PIGU: variants seen among roughly 807,000 people sequenced by gnomAD.
The protein encoded by PIGU is phosphatidylinositol glycan anchor biosynthesis class U.
PIGU carries 24 observed loss-of-function variants against 49.9 expected under a neutral mutation model. The ratio of observed to expected loss-of-function variants is 0.48; its 90% confidence interval spans 0.35 to 0.68. PIGU has a LOEUF of 0.68. Among genes scored for constraint, PIGU ranks in the 30% least tolerant of loss-of-function variants. The pLI is 0.01. For missense variants in PIGU, 490 were observed against 532.6 expected, an observed-to-expected ratio of 0.92 and a Z score of 0.79; for synonymous variants, 220 against 205.7, an observed-to-expected ratio of 1.07 and a Z score of -0.59.
intron 1 of PIGU, among the ~76,000 whole-genome samples, chr20:34,674,323 C>T (rs1027898420): frequency 7.2e-5 from 11 of 152,032 alleles, no homozygotes; most frequent in African/African-American, 2.4e-4. Context: ...CCATTGCACT[C>T]CAGCCTGGGC....
intron 7 of PIGU, among the ~76,000 whole-genome samples, chr20:34,612,347 C>A (rs1984847075): frequency 6.6e-6 from 1 of 151,964 alleles, no homozygotes. Context: ...CACACTGGGG[C>A]CTGTCATGGG....
At chr20:34,580,548 A>C (rs894809470) in intron 10 of PIGU, among the ~76,000 whole-genome samples, 5 of 152,224 alleles carry the variant, frequency 3.3e-5, no homozygotes, top group Non-Finnish European at 7.3e-5. Flanking sequence ...TCCCTAGTTC[A>C]TTCTTGACAC....
intron 6 of PIGU, among the ~76,000 whole-genome samples, chr20:34,625,561 T>A (rs1312761189): frequency 6.6e-6 from 1 of 151,732 alleles, no homozygotes; most frequent in Admixed American, 6.6e-5. Context: ...AGCCCAGCAC[T>A]TTGGAAGGCT....
chr20:34,668,747 T>C (rs187189448), intron 1 of PIGU, among the ~76,000 whole-genome samples: 1,938 of 149,998 alleles, frequency 0.013, 47 homozygotes, highest in African/African-American at 0.044. Context: ...CCAGCCTGGG[T>C]GACAGAGCGA....
chr20:34,575,001 C>T (rs554269106), intron 11 of PIGU, 103 bp downstream of exon 11: 7 of 1,459,360 alleles, frequency 4.8e-6, no homozygotes, highest in Middle Eastern at 1.8e-4. Context: ...GCCTCCTTCA[C>T]GTCTGCACCC....
At chr20:34,654,089 C>T (rs1986629350) in intron 2 of PIGU, among the ~76,000 whole-genome samples, 1 of 111,128 alleles carries the variant, frequency 9.0e-6, no homozygotes, top group Non-Finnish European at 1.9e-5. Context: ...GAACTCCCGA[C>T]CTTGTGATCC....
chr20:34,631,477 TA>T (rs1329454270), intron 6 of PIGU, among the ~76,000 whole-genome samples: 1 of 150,634 alleles, frequency 6.6e-6, no homozygotes, highest in Non-Finnish European at 1.5e-5. Context: ...ATAATGAATT[TA>T]AAAAGACGCA....
intron 7 of PIGU, among the ~76,000 whole-genome samples, chr20:34,612,802 T>C (rs6579177): frequency 0.03 from 4,580 of 151,878 alleles, 235 homozygotes; most frequent in African/African-American, 0.1. Context: ...TTTGTAGTTT[T>C]AGTAGAGACA....
At chr20:34,642,944 G>C (rs1300468885) in intron 4 of PIGU, among the ~76,000 whole-genome samples, 7 of 151,604 alleles carry the variant, frequency 4.6e-5, no homozygotes, top group Non-Finnish European at 8.8e-5. Context: ...TATTGGTAGA[G>C]ACTGTCTACC....
In PIGU at chr20:34,581,687, GGGAA is replaced by G. The variant is rs776515158; in HGVS notation, c.927-19_927-16del. The G allele has an allele frequency of 8.2e-6, 13 of 1,590,150 alleles. No individual in the cohort carries two copies. The African/African-American group carries it at 1.7e-4, about 21-fold the overall frequency. ...TGGGGTGCTCCCTGGGGCAGGGCAG[GGGAA>G]AGAGAGAGAGAGATGAGTCAGGGAC... On this transcript the variant is annotated splice_polypyrimidine_tract_variant and intron_variant, in intron 9 of 11. Coordinates refer to ENST00000217446, the MANE Select transcript of PIGU (RefSeq NM_080476.5).
At chr20:34,577,761 G>A (rs1983298060) in intron 10 of PIGU, among the ~76,000 whole-genome samples, 2 of 152,018 alleles carry the variant, frequency 1.3e-5, no homozygotes, top group South Asian at 4.2e-4. Flanking sequence ...GAAATCACAC[G>A]GAGAGCCCTC....
chr20:34,659,097 G>A (rs1332514778), intron 1 of PIGU, among the ~76,000 whole-genome samples: 10 of 132,980 alleles, frequency 7.5e-5, no homozygotes, highest in East Asian at 2.4e-4. Context: ...CCCCCCACCC[G>A]GCCAGCCGCC....
chr20:34,641,162 C>T (rs945102698), intron 4 of PIGU, among the ~76,000 whole-genome samples: 3 of 152,002 alleles, frequency 2.0e-5, no homozygotes, highest in African/African-American at 7.3e-5. Flanking sequence ...CGTGATCTGC[C>T]TGCCTCAGCC....
At position 34,677,032 on chromosome 20, in the gene PIGU, G is replaced by A. The variant is rs1481721726; in HGVS notation, c.54C>T (p.Ala18=). The A allele has an allele frequency of 6.3e-7, 1 of 1,580,540 alleles. No homozygotes were observed. The highest frequency in any genetic ancestry group is 1.8e-5 in the Admixed American group (1 of 54,260). Residue 18 remains alanine (A), a synonymous_variant, in exon 1 of 12, where the codon GCC becomes GCT. Transcript: ENST00000217446. ...ACTCGGCCAGACTGGAGCGGAACAA[G>A]GCCGCCCGCACTGTCACAGCCACCA... The part of the protein sequence containing the change: ...VLVVAVTVRA[A]LFRSSLAEFI...
intron 1 of PIGU, among the ~76,000 whole-genome samples, chr20:34,658,078 ACTGCAACCTCCCTGC>A: frequency 6.6e-6 from 1 of 151,986 alleles, no homozygotes; most frequent in African/African-American, 2.4e-5. Flanking sequence ...ATCTCGGCTC[ACTGCAACCTCCCTGC>A]CTGATTCTCC....
intron 1 of PIGU, among the ~76,000 whole-genome samples, chr20:34,659,925 AG>A (rs1212434177): frequency 4.6e-5 from 7 of 151,902 alleles, no homozygotes; most frequent in African/African-American, 7.3e-5. Flanking sequence ...GGAAGGCTGC[AG>A]GGTCCTCTGC....
At chr20:34,669,666 GAAAAA>G (rs34144980) in intron 1 of PIGU, among the ~76,000 whole-genome samples, 1 of 124,010 alleles carries the variant, frequency 8.1e-6, no homozygotes, top group Non-Finnish European at 1.6e-5. Flanking sequence ...GACTCTGGCT[GAAAAA>G]AAAAAAAAAA....
At chr20:34,580,373 G>C (rs1983406997) in intron 10 of PIGU, among the ~76,000 whole-genome samples, 1 of 152,206 alleles carries the variant, frequency 6.6e-6, no homozygotes, top group East Asian at 1.9e-4. Context: ...AGCCCCACTA[G>C]GCCATCACCT....
intron 6 of PIGU, among the ~76,000 whole-genome samples, chr20:34,619,704 A>G (rs1568642782): frequency 6.6e-6 from 1 of 152,124 alleles, no homozygotes; most frequent in Non-Finnish European, 1.5e-5. Flanking sequence ...TCTGAAACTG[A>G]CTGTTTATGA....
Sources: allele counts gnomAD v4.1 joint callset (sites outside exome capture counted in the v4.1 genomes callset), GRCh38; gene constraint gnomAD v4.1.1; transcripts MANE v1.5; gene names NCBI Gene and HGNC (gene_info 2026-07-23, HGNC 2026-07-21).